Variants in PPIE observed in about 807,000 individuals in gnomAD.
The protein encoded by PPIE is peptidyl-prolyl cis-trans isomerase E.
PPIE carries 20 observed loss-of-function variants against 38.4 expected under a neutral mutation model. The observed-to-expected ratio is 0.52, with a 90% CI of 0.37 to 0.76. The LOEUF is 0.76. Among genes scored for constraint, PPIE ranks in the 30% least tolerant of loss-of-function variants. The pLI is 0.00. For missense variants in PPIE, 322 were observed against 385.8 expected, an observed-to-expected ratio of 0.83 and a Z score of 1.39; for synonymous variants, 142 against 135.7, an observed-to-expected ratio of 1.05 and a Z score of -0.32.
chr1:39,741,267 GT>G, intron 2 of PPIE, 98 bp from the exon 3 acceptor site: 4 of 996,736 alleles, frequency 4.0e-6, no homozygotes, highest in Non-Finnish European at 6.4e-6. Flanking sequence ...AACTTCTGGT[GT>G]TTGGATACGA....
At chr1:39,751,997 G>C (rs981584667) in intron 8 of PPIE, among the ~76,000 whole-genome samples, 2 of 152,120 alleles carry the variant, frequency 1.3e-5, no homozygotes, top group Non-Finnish European at 2.9e-5. Flanking sequence ...CAGCCGCTTG[G>C]GAGTTGAGGT....
intron 8 of PPIE, among the ~76,000 whole-genome samples, chr1:39,751,386 G>T (rs1647716590): frequency 6.6e-6 from 1 of 152,146 alleles, no homozygotes; most frequent in Admixed American, 6.5e-5. Context: ...TTGAGACAGG[G>T]TCTCTTTCTG....
chr1:39,751,314 T>G (rs1340973794), intron 8 of PPIE, among the ~76,000 whole-genome samples: 1 of 152,216 alleles, frequency 6.6e-6, no homozygotes, highest in African/African-American at 2.4e-5. Context: ...AAACACATTT[T>G]TTACCTATAC....
In PPIE at chr1:39,738,896, G is replaced by GCAAGATGGCCACCACCAA. The variant is rs1646986097; in HGVS notation, c.-4_14dup. The GCAAGATGGCCACCACCAA allele has an allele frequency of 1.3e-6, 2 of 1,514,306 alleles. No individual in the cohort carries two copies. Among genetic ancestry groups the GCAAGATGGCCACCACCAA allele is most frequent in the East Asian group, 5.3e-5 (2 of 37,428 alleles). 93.8% of individuals were successfully genotyped at this position (1,514,306 alleles called of 1,614,324 possible). ...TGGCTTCCGGCGGAAAAGCGCGCGAGCAAGATGGCCACCACCAAGCGCGTC... is the reference window on the plus strand; with the variant it reads ...TGGCTTCCGGCGGAAAAGCGCGCGAGCAAGATGGCCACCACCAACAAGATGGCCACCACCAAGCGCGTC... On this transcript the variant is annotated 5_prime_UTR_variant, in exon 1 of 10. The change creates a new upstream start codon in the 5' untranslated region. Coordinates refer to ENST00000324379, the MANE Select transcript of PPIE (RefSeq NM_006112.4).
chr1:39,759,058 A>G (rs1648599670), downstream of PPIE: 1 of 152,292 alleles, frequency 6.6e-6, no homozygotes, highest in Admixed American at 6.5e-5. Flanking sequence ...CGGTTTGGGC[A>G]GCTGGACTCT....
Position 39,753,515 on chromosome 1 carries a change from G to C in PPIE, c.*160G>C. The C allele has an allele frequency of 7.0e-7, 1 of 1,437,880 alleles. No homozygotes were observed. The highest frequency in any genetic ancestry group is 9.1e-7 in the Non-Finnish European group (1 of 1,099,602). The allele number at this position is 1,437,880 out of a possible 1,614,324, so 89.1% of individuals were successfully genotyped here. A position where few individuals can be genotyped will look rare whatever the true frequency, so the allele number is the denominator to read the frequency against. On this transcript the variant is annotated 3_prime_UTR_variant, in exon 10 of 10. Transcript: ENST00000324379. ...GTCTGCTTGGAGCAGCTCCTCTGCA[G>C]GCACAGCCTGGACTATTCCCAGGCA... is the stretch of plus-strand genomic sequence containing the variant.
chr1:39,748,825 A>G, intron 7 of PPIE, 78 bp from the exon 8 acceptor site: 1 of 1,390,766 alleles, frequency 7.2e-7, no homozygotes, highest in South Asian at 1.3e-5. Flanking sequence ...AAATATGAAC[A>G]CTAAACCAAA....
chr1:39,760,740 A>C (rs1648844444), downstream of PPIE, among the ~76,000 whole-genome samples: 1 of 151,872 alleles, frequency 6.6e-6, no homozygotes, highest in Non-Finnish European at 1.5e-5. Context: ...TCAAGGCTCC[A>C]GGAGTGGGAG....
In PPIE at chr1:39,739,002, C is replaced by T. The variant is rs72940736; in HGVS notation, c.31+71C>T. 1,760 of 1,361,792 alleles carry T rather than the reference C, an allele frequency of 1.3e-3. 24 individuals carry two copies. The African/African-American group carries it at 0.024, about 18-fold the overall frequency. 84.4% of individuals were successfully genotyped at this position (1,361,792 alleles called of 1,614,324 possible). A position where few individuals can be genotyped will look rare whatever the true frequency, so the allele number is the denominator to read the frequency against. On this transcript the variant is annotated intron_variant, in intron 1 of 9. Coordinates refer to ENST00000324379, the MANE Select transcript of PPIE (RefSeq NM_006112.4). ...CCAAGGGTCGGGGCGTGGGGTGGGA[C>T]GCATCTCTGAACCAGGAGGACGGCG...
downstream of PPIE, chr1:39,759,841 TGA>T: frequency 6.5e-6 from 1 of 152,792 alleles, no homozygotes; most frequent in East Asian, 1.9e-4. Flanking sequence ...AGCTTTTTCT[TGA>T]GTTGACTCCA....
downstream of PPIE, among the ~76,000 whole-genome samples, chr1:39,760,812 A>G (rs1429577949): frequency 1.3e-5 from 2 of 152,156 alleles, no homozygotes; most frequent in African/African-American, 2.4e-5. Flanking sequence ...CAGGTGGGCA[A>G]GGCGCTAATG....
chr1:39,752,878 T>C (rs1390328981), intron 8 of PPIE, 32 bp from the exon 9 acceptor site: 3 of 1,599,384 alleles, frequency 1.9e-6, no homozygotes, highest in Non-Finnish European at 2.6e-6. Flanking sequence ...GTAGCCAGGG[T>C]TCGGGGAGCT....
At chr1:39,763,092 C>G (rs1281948264) in intron 9 of PPIE, 2 of 1,613,628 alleles carry the variant, frequency 1.2e-6, no homozygotes, top group African/African-American at 2.7e-5. Flanking sequence ...TGGTACTGAC[C>G]AGGGACTGCA....
At position 39,748,926 on chromosome 1, in the gene PPIE, C is replaced by T. The variant is rs1392803623; in HGVS notation, c.532C>T (p.His178Tyr). ...AGAGAATTTCCGCTGCCTGTGCACTCATGAAAAGGGCTTTGGCTTTAAGGG... is the reference window on the plus strand; with the variant it reads ...AGAGAATTTCCGCTGCCTGTGCACTTATGAAAAGGGCTTTGGCTTTAAGGG... ...TAENFRCLCT[H>Y]EKGFGFKGSS... The change falls in exon 8 of 10, where the codon CAT (histidine) becomes TAT (tyrosine). Residue 178 changes from histidine to tyrosine, a missense_variant. Transcript: ENST00000324379. The T allele has an allele frequency of 2.5e-6, 4 of 1,613,998 alleles. No homozygotes were observed. Among genetic ancestry groups the T allele is most frequent in the Non-Finnish European group, 3.4e-6 (4 of 1,180,014 alleles).
rs1435991702 is a variant in PPIE at position 39,749,170 on chromosome 1, T to G, written c.694+82T>G. The G allele has an allele frequency of 2.1e-6, 3 of 1,432,006 alleles. No individual in the cohort carries two copies. Among genetic ancestry groups the G allele is most frequent in the African/African-American group, 2.9e-5 (2 of 69,888 alleles). 88.7% of individuals were successfully genotyped at this position (1,432,006 alleles called of 1,614,324 possible). A position where few individuals can be genotyped will look rare whatever the true frequency, so the allele number is the denominator to read the frequency against. Reference sequence around the variant, plus strand: ...GGCAGGATGGAAGGACAGGTTGTAGTTCTGGCTGGCGGACACTAAGAGTCT... The same window carrying G: ...GGCAGGATGGAAGGACAGGTTGTAGGTCTGGCTGGCGGACACTAAGAGTCT... On this transcript the variant is annotated intron_variant, in intron 8 of 9. Coordinates refer to ENST00000324379, the MANE Select transcript of PPIE (RefSeq NM_006112.4).
downstream of PPIE, chr1:39,759,198 C>A (rs1365965781): frequency 1.3e-5 from 2 of 152,328 alleles, no homozygotes; most frequent in Non-Finnish European, 2.9e-5. Context: ...CCTCTCCACC[C>A]AACTCAGCCT....
rs1648115626 is a variant in PPIE, at chr1:39,754,997, C to G, written c.*1642C>G. 3.0e-6 allele frequency: 3 copies of G among 985,294 alleles called. No individual in the cohort carries two copies. The African/African-American group carries it at 5.2e-5, about 17-fold the overall frequency. The allele number at this position is 985,294 out of a possible 1,614,324, so 61.0% of individuals were successfully genotyped here. On this transcript the variant is annotated 3_prime_UTR_variant, in exon 10 of 10. Coordinates refer to ENST00000324379, the MANE Select transcript of PPIE (RefSeq NM_006112.4). ...AAAATACTTACTATCTGAGCCTTTACAAAACAGGATTGCCAGCCACTGAAG... is the reference window on the plus strand; with the variant it reads ...AAAATACTTACTATCTGAGCCTTTAGAAAACAGGATTGCCAGCCACTGAAG...
chr1:39,752,877 G>GT, intron 8 of PPIE, 33 bp from the exon 9 acceptor site: 1 of 1,600,864 alleles, frequency 6.2e-7, no homozygotes, highest in South Asian at 1.1e-5. Context: ...GGTAGCCAGG[G>GT]TTCGGGGAGC....
intron 7 of PPIE, chr1:39,748,664 G>A: frequency 2.1e-6 from 1 of 473,050 alleles, no homozygotes; most frequent in Non-Finnish European, 3.8e-6. Context: ...GAACCCAAGA[G>A]GTGGAAGTTG....
Sources: gnomAD v4.1 joint callset for allele counts (sites outside exome capture counted in the v4.1 genomes callset) on GRCh38, gnomAD v4.1.1 for gene constraint, MANE v1.5 for transcripts, NCBI Gene and HGNC (gene_info 2026-07-23, HGNC 2026-07-21) for gene names.